COL20A1: variants seen among roughly 807,000 people sequenced by gnomAD.
The protein encoded by COL20A1 is collagen alpha-1(XX) chain.
COL20A1 carries 164 observed loss-of-function variants against 152.9 expected under a neutral mutation model. That is an observed-to-expected ratio of 1.07 (90% CI 0.94 to 1.22). The LOEUF is 1.22. Ranked by LOEUF, COL20A1 falls within the 50% of genes most tolerant of loss-of-function variation. The probability of loss-of-function intolerance (pLI) is 0.00; values close to 1 mark genes in which losing one functional copy is unlikely to be tolerated. For synonymous variants in COL20A1, 864 were observed against 756.0 expected (o/e 1.14, Z -2.34); for missense variants, 1,873 against 1,744.8 (o/e 1.07, Z -1.31).
intron 3 of COL20A1, among the ~76,000 whole-genome samples, chr20:63,304,950 C>T (rs577408682): frequency 2.6e-5 from 4 of 152,344 alleles, no homozygotes; most frequent in Admixed American, 2.6e-4. Flanking sequence ...GAAATCCAGA[C>T]CTAACTTTAG....
intron 31 of COL20A1, chr20:63,327,413 G>A (rs1039176513): frequency 2.2e-5 from 4 of 179,244 alleles, no homozygotes; most frequent in African/African-American, 2.4e-5. Flanking sequence ...CAGACGTGGT[G>A]GAGGGGAGGT....
chr20:63,312,627 G>A (rs1001357125), intron 15 of COL20A1, 78 bp downstream of exon 15: 3 of 1,492,474 alleles, frequency 2.0e-6, no homozygotes, highest in Non-Finnish European at 2.7e-6. Context: ...TTCACATCAA[G>A]TGTTTTGGGA....
rs761138432 is a variant in COL20A1, at chr20:63,309,349, T to C, written c.957T>C (p.Asp319=). 1.6e-5 allele frequency: 24 copies of C among 1,503,248 alleles called. No individual in the cohort carries two copies. Among genetic ancestry groups the C allele is most frequent in the Non-Finnish European group, 2.1e-5 (24 of 1,119,382 alleles). The allele number at this position is 1,503,248 out of a possible 1,614,324, so 93.1% of individuals were successfully genotyped here. ...CACGAGCAGGTGTGAAGAACGCCGATGAGGCTGAGCTGAGGCTCCTGGCGT... is the reference window on the plus strand; with the variant it reads ...CACGAGCAGGTGTGAAGAACGCCGACGAGGCTGAGCTGAGGCTCCTGGCGT... ...NVFAVGVKNA[D]EAELRLLASP... The change falls in exon 9 of 36, where the codon GAT becomes GAC. Residue 319 remains aspartate, a synonymous_variant. Coordinates refer to ENST00000358894, the MANE Select transcript of COL20A1 (RefSeq NM_020882.4).
At chr20:63,318,363 G>C (rs1568781872) in intron 21 of COL20A1, among the ~76,000 whole-genome samples, 1 of 150,010 alleles carries the variant, frequency 6.7e-6, no homozygotes, top group Non-Finnish European at 1.5e-5. Context: ...CAGATAGGAG[G>C]CTACGGCCAT....
At position 63,332,490 on chromosome 20, in the gene COL20A1, G is replaced by A. The variant is rs1040017497; in HGVS notation, c.*1774G>A. On this transcript the variant is annotated 3_prime_UTR_variant, in exon 36 of 36. Coordinates refer to ENST00000358894, the MANE Select transcript of COL20A1 (RefSeq NM_020882.4). ...GGCTTTGTCATGAGGCAGGAGTGGG[G>A]CTAGAATCAAGCCCAGAGCCCACAG... 6.6e-6 allele frequency: 1 copy of A among 152,328 alleles called. No homozygotes were observed. The highest frequency in any genetic ancestry group is 1.9e-4 in the East Asian group (1 of 5,186). 9.4% of individuals were successfully genotyped at this position (152,328 alleles called of 1,614,324 possible).
intron 35 of COL20A1, among the ~76,000 whole-genome samples, chr20:63,330,225 TGGGGACA>T (rs1442617931): frequency 2.6e-5 from 4 of 152,088 alleles, no homozygotes; most frequent in African/African-American, 9.7e-5. Flanking sequence ...GCAGCAGGTG[TGGGGACA>T]GGGTCCCAGG....
At position 63,305,838 on chromosome 20, in the gene COL20A1, GCC is replaced by G. The variant is rs1436418080; in HGVS notation, c.338-41_338-40del. ...ATGTGCAGCTGCCCCAGTGGACCAGGCCCTCCACTCCCACCCTGATGGCTCTT... is the reference window on the plus strand; with the variant it reads ...ATGTGCAGCTGCCCCAGTGGACCAGGCTCCACTCCCACCCTGATGGCTCTT... On this transcript the variant is annotated intron_variant, in intron 4 of 35. Coordinates refer to ENST00000358894, the MANE Select transcript of COL20A1 (RefSeq NM_020882.4). This position sits in a 1 kb window ranked among gnomAD's most constrained non-coding sequence, Gnocchi z 4.9. 1 of 1,587,970 alleles carries G rather than the reference GCC, an allele frequency of 6.3e-7. No homozygotes were observed.
intron 6 of COL20A1, 77 bp downstream of exon 6, chr20:63,307,725 G>A: frequency 6.6e-7 from 1 of 1,508,376 alleles, no homozygotes; most frequent in African/African-American, 1.4e-5. Flanking sequence ...GCTGTGACCT[G>A]TGGGGGTCCC....
chr20:63,332,715 C>T lies in COL20A1; in HGVS notation c.*1999C>T, dbSNP rs1326544292. The T allele has an allele frequency of 1.3e-5, 2 of 152,300 alleles. No individual in the cohort carries two copies. Among genetic ancestry groups the T allele is most frequent in the Non-Finnish European group, 2.9e-5 (2 of 68,060 alleles). 9.4% of individuals were successfully genotyped at this position (152,300 alleles called of 1,614,324 possible). ...TGGTGTGACACCAGTGATGCTCAGC[C>T]TCAAAAGGGGAGTCCGGCTGTCTTC... On this transcript the variant is annotated 3_prime_UTR_variant, in exon 36 of 36. Coordinates refer to ENST00000358894, the MANE Select transcript of COL20A1 (RefSeq NM_020882.4).
intron 33 of COL20A1, 48 bp from the exon 34 acceptor site, chr20:63,328,283 C>A (rs1005816497): frequency 1.9e-6 from 3 of 1,581,032 alleles, no homozygotes; most frequent in Admixed American, 1.7e-5. Flanking sequence ...ACAGGCCTCG[C>A]ATCCCCGGGT....
In COL20A1 at chr20:63,319,581, C is replaced by A; in HGVS notation, c.2901C>A (p.Phe967Leu). Residue 967 changes from phenylalanine to leucine, a missense_variant, in exon 23 of 36, where the codon TTC (phenylalanine) becomes TTA (leucine). Transcript: ENST00000358894. This position sits in a 1 kb window ranked among gnomAD's most constrained non-coding sequence, Gnocchi z 4.4. ...CGCAGGAAGTGAGGAAGATTTTCTT[C>A]GGGAGCTTCCACAAGGTCCTGGTGC... Reference protein sequence around the residue: ...FDPQEVRKIFFGSFHKVHVAV... With the variant: ...FDPQEVRKIFLGSFHKVHVAV... 1.3e-6 allele frequency: 2 copies of A among 1,581,542 alleles called. No individual in the cohort carries two copies. The highest frequency in any genetic ancestry group is 1.8e-5 in the Admixed American group (1 of 55,908).
chr20:63,318,475 C>T (rs113623860), intron 21 of COL20A1, among the ~76,000 whole-genome samples: 2 of 152,318 alleles, frequency 1.3e-5, no homozygotes, highest in African/African-American at 4.8e-5. Context: ...GGACCAAGAC[C>T]CTGGTCCCAC....
chr20:63,329,437 C>T (rs1359465960), intron 34 of COL20A1, 148 bp from the exon 35 acceptor site: 6 of 644,566 alleles, frequency 9.3e-6, no homozygotes, highest in African/African-American at 1.8e-5. Flanking sequence ...ACCTGGCACG[C>T]TGCTGCCCCT....
intron 25 of COL20A1, 114 bp from the exon 26 acceptor site, chr20:63,320,899 T>A: frequency 1.3e-6 from 1 of 761,984 alleles, no homozygotes. Flanking sequence ...GCCTCCCAGG[T>A]GCGGGTCTGG....
In COL20A1 at chr20:63,319,466, G is replaced by C. The variant is rs765130835; in HGVS notation, c.2807-21G>C. On this transcript the variant is annotated intron_variant, in intron 22 of 35. Coordinates refer to ENST00000358894, the MANE Select transcript of COL20A1 (RefSeq NM_020882.4). The surrounding 1 kb of genome is among the most constrained non-coding windows in gnomAD (Gnocchi z 4.4). ...GGCTGGTTGCAGCCCGTTCTCACCT[G>C]CTCCACCCCTTCCCTGGCAGCCGGG... 1.9e-6 allele frequency: 3 copies of C among 1,539,468 alleles called. No homozygotes were observed. The highest frequency in any genetic ancestry group is 2.6e-6 in the Non-Finnish European group (3 of 1,135,776).
intron 2 of COL20A1, among the ~76,000 whole-genome samples, chr20:63,295,552 T>G (rs2067779416): frequency 6.6e-6 from 1 of 152,020 alleles, no homozygotes. Context: ...CACTGGTGTT[T>G]TGGGCACATA....
Position 63,312,888 on chromosome 20 carries a change from T to C in COL20A1, c.2030T>C (p.Val677Ala). The C allele has an allele frequency of 1.3e-6, 2 of 1,558,368 alleles. No homozygotes were observed. Among genetic ancestry groups the C allele is most frequent in the South Asian group, 1.2e-5 (1 of 84,454 alleles). ...WVAAAPSGVLVYQITWTPLGE... is the reference protein window; with the variant it reads ...WVAAAPSGVLAYQITWTPLGE... ...GCCGCAGCCCCGTCTGGCGTGCTTG[T>C]CTACCAGATCACGTGGACGCCCCTG... Residue 677 changes from valine to alanine, a missense_variant, in exon 16 of 36, where the codon GTC (valine) becomes GCC (alanine). Physicochemically the swap from Val to Ala is moderately conservative, Grantham distance 64. Coordinates refer to ENST00000358894, the MANE Select transcript of COL20A1 (RefSeq NM_020882.4).
At chr20:63,310,850 C>CA (rs2067995695) in intron 11 of COL20A1, among the ~76,000 whole-genome samples, 1 of 152,120 alleles carries the variant, frequency 6.6e-6, no homozygotes, top group African/African-American at 2.4e-5. Context: ...CAGGGACTGC[C>CA]ATGAGCCCGT....
In COL20A1 at chr20:63,319,647, G is replaced by GGGCTGC; in HGVS notation, c.2916+51_2916+52insGGCTGC. 1.5e-6 allele frequency: 2 copies of GGGCTGC among 1,345,602 alleles called. No individual in the cohort carries two copies. Among genetic ancestry groups the GGGCTGC allele is most frequent in the Non-Finnish European group, 2.1e-6 (2 of 965,250 alleles). 83.4% of individuals were successfully genotyped at this position (1,345,602 alleles called of 1,614,324 possible). A position where few individuals can be genotyped will look rare whatever the true frequency, so the allele number is the denominator to read the frequency against. On this transcript the variant is annotated intron_variant, in intron 23 of 35. Coordinates refer to ENST00000358894, the MANE Select transcript of COL20A1 (RefSeq NM_020882.4). The surrounding 1 kb of genome is among the most constrained non-coding windows in gnomAD (Gnocchi z 4.4). ...CCCCCGTTCCCCCAGCTCTGGGGCA[G>GGGCTGC]CCCAGCCCCACAGGGACCTGCCGGA... is the stretch of plus-strand genomic sequence containing the variant.
Sources: allele counts gnomAD v4.1 joint callset (sites outside exome capture counted in the v4.1 genomes callset), GRCh38; gene constraint gnomAD v4.1.1; non-coding constraint Gnocchi (gnomAD v3.1); transcripts MANE v1.5; gene names NCBI Gene and HGNC (gene_info 2026-07-23, HGNC 2026-07-21).